Variants in LRRFIP1 observed in about 807,000 individuals in gnomAD.
The protein encoded by LRRFIP1 is leucine-rich repeat flightless-interacting protein 1.
Under a neutral mutation model 104.4 loss-of-function variants are expected in LRRFIP1, and 62 were observed. That is an observed-to-expected ratio of 0.59 (90% CI 0.48 to 0.73). The LOEUF (loss-of-function observed/expected upper bound fraction) is 0.73. Ranked by LOEUF, LRRFIP1 falls within the 30% of genes least tolerant of loss-of-function variation. The probability of loss-of-function intolerance (pLI) is 0.00; values close to 1 mark genes in which losing one functional copy is unlikely to be tolerated. For synonymous variants in LRRFIP1, 300 were observed against 299.0 expected, an observed-to-expected ratio of 1.00 and a Z score of -0.03; for missense variants, 796 against 824.5, an observed-to-expected ratio of 0.97 and a Z score of 0.42.
chr2:237,653,777 G>A (rs1177951946), intron 1 of LRRFIP1, among the ~76,000 whole-genome samples: 1 of 152,172 alleles, frequency 6.6e-6, no homozygotes, highest in Non-Finnish European at 1.5e-5. Flanking sequence ...TCCTCAATAA[G>A]TGATGTTGGG....
rs2092732204 is a variant in LRRFIP1, at chr2:237,691,235, C to T, written c.97-17309C>T. ...CCTTCCGATTACAATCCGCGTCATC[C>T]CGTCGCTTCTGCCCCCAGCCTGGCG... On this transcript the variant is annotated intron_variant, in intron 1 of 23. Coordinates refer to ENST00000308482, the MANE Select transcript of LRRFIP1 (RefSeq NM_001137550.2). The surrounding 1 kb of genome is among the most constrained non-coding windows in gnomAD (Gnocchi z 5.4). 6.6e-6 allele frequency among the ~76,000 whole-genome samples: 1 copy of T among 152,224 alleles called. No homozygotes were observed. The highest frequency in any genetic ancestry group is 2.4e-5 in the African/African-American group (1 of 41,456).
rs1003315674 is a variant in LRRFIP1, at chr2:237,627,592, G to A, written c.-53G>A. The A allele has an allele frequency of 1.1e-4, 114 of 1,083,408 alleles. No homozygotes were observed. The African/African-American group carries it at 1.7e-3, about 16-fold the overall frequency. The allele number at this position is 1,083,408 out of a possible 1,614,324, so 67.1% of individuals were successfully genotyped here. A position where few individuals can be genotyped will look rare whatever the true frequency, so the allele number is the denominator to read the frequency against. ...GCCGGGGCCGGGGCCGGGCCGGGGC[G>A]GCGCGAGCGGCTGGAGCAACGGGCC... On this transcript the variant is annotated 5_prime_UTR_variant, in exon 1 of 24. Coordinates refer to ENST00000308482, the MANE Select transcript of LRRFIP1 (RefSeq NM_001137550.2).
chr2:237,637,097 A>G (rs925672527), intron 1 of LRRFIP1, among the ~76,000 whole-genome samples: 1 of 152,232 alleles, frequency 6.6e-6, no homozygotes, highest in Non-Finnish European at 1.5e-5. Flanking sequence ...TTTTACTGAG[A>G]GCGAAATAAA....
At chr2:237,680,139 T>G (rs1340108120) in intron 1 of LRRFIP1, among the ~76,000 whole-genome samples, 3 of 152,092 alleles carry the variant, frequency 2.0e-5, no homozygotes, top group African/African-American at 7.2e-5. Flanking sequence ...GTCTGTGGGT[T>G]CCACATTCAT....
At chr2:237,778,751 TAATAA>T (rs1349296666) in intron 23 of LRRFIP1, among the ~76,000 whole-genome samples, 1 of 151,414 alleles carries the variant, frequency 6.6e-6, no homozygotes, top group Non-Finnish European at 1.5e-5. Context: ...ACCCCATCTC[TAATAA>T]AATACAAAAA....
rs1432102824 is a variant in LRRFIP1, at chr2:237,769,960, C to G, written c.1477C>G (p.Leu493Val). The part of the protein sequence containing the change: ...DGTLDIRLKK[L>V]VDERECLLEQ... ...TTCTTTAGATATTAGGTTGAAAAAG[C>G]TGGTTGATGAACGGGAATGCTTATT... The change falls in exon 20 of 24, where the codon CTG becomes GTG. Residue 493 changes from leucine (L) to valine (V), a missense_variant. Leu to Val is a conservative substitution (Grantham distance 32, BLOSUM62 1). Coordinates refer to ENST00000308482, the MANE Select transcript of LRRFIP1 (RefSeq NM_001137550.2). The G allele has an allele frequency of 1.2e-6, 2 of 1,604,892 alleles. No homozygotes were observed. The highest frequency in any genetic ancestry group is 2.7e-5 in the African/African-American group (2 of 74,858).
rs752354871 is a variant in LRRFIP1 at position 237,760,193 on chromosome 2, G to C, written c.1447G>C (p.Asp483His). 6.2e-6 allele frequency: 10 copies of C among 1,613,970 alleles called. No homozygotes were observed. The African/African-American group carries it at 1.2e-4, about 19-fold the overall frequency. ...GTTAAATGCCCTCAAGTCGACAGGGGATGGGACCCTAGGTAAGTATTTGCT... is the reference window on the plus strand; with the variant it reads ...GTTAAATGCCCTCAAGTCGACAGGGCATGGGACCCTAGGTAAGTATTTGCT... ...EELNALKSTG[D>H]GTLDIRLKKL... The change falls in exon 19 of 24, where the codon GAT (aspartate) becomes CAT (histidine). Residue 483 changes from aspartate to histidine, a missense_variant. Physicochemically the swap from Asp to His is moderately conservative, Grantham distance 81 (BLOSUM62 -1). Transcript: ENST00000308482.
At chr2:237,685,441 T>C (rs1432013376) in intron 1 of LRRFIP1, among the ~76,000 whole-genome samples, 1 of 152,162 alleles carries the variant, frequency 6.6e-6, no homozygotes, top group Non-Finnish European at 1.5e-5. Flanking sequence ...TGAGCTCAGG[T>C]ACAGTGCACC....
chr2:237,692,896 A>G (rs1416585507), intron 1 of LRRFIP1, among the ~76,000 whole-genome samples: 1 of 152,264 alleles, frequency 6.6e-6, no homozygotes, highest in African/African-American at 2.4e-5. Flanking sequence ...CCGGGTGGCC[A>G]GAGCCGGTGC....
At chr2:237,632,797 C>T (rs1048734962) in intron 1 of LRRFIP1, among the ~76,000 whole-genome samples, 4 of 146,884 alleles carry the variant, frequency 2.7e-5, no homozygotes, top group Non-Finnish European at 6.1e-5. Context: ...CAGGACTGAG[C>T]CCAGCTGCAA....
At chr2:237,725,516 A>G (rs902859226) in intron 7 of LRRFIP1, among the ~76,000 whole-genome samples, 1 of 148,192 alleles carries the variant, frequency 6.7e-6, no homozygotes, top group African/African-American at 2.6e-5. Context: ...ATACAACACA[A>G]AAAAACACCA....
intron 8 of LRRFIP1, among the ~76,000 whole-genome samples, chr2:237,728,913 T>C (rs1410421025): frequency 6.6e-6 from 1 of 152,136 alleles, no homozygotes; most frequent in Admixed American, 6.5e-5. Context: ...CTATTTAGCA[T>C]TGCATGCACT....
At chr2:237,670,655 A>C (rs906316448) in intron 1 of LRRFIP1, among the ~76,000 whole-genome samples, 13 of 152,194 alleles carry the variant, frequency 8.5e-5, no homozygotes, top group Admixed American at 6.5e-4. Flanking sequence ...ACTCGGTGGC[A>C]GTCTAAGGAA....
chr2:237,719,632 C>A, intron 5 of LRRFIP1, 65 bp downstream of exon 5: 1 of 1,142,638 alleles, frequency 8.8e-7, no homozygotes, highest in Non-Finnish European at 1.3e-6. Flanking sequence ...CTTGCAGTGG[C>A]TGAAGTATAT....
chr2:237,696,034 A>G (rs1031364439), intron 1 of LRRFIP1, among the ~76,000 whole-genome samples: 1 of 152,180 alleles, frequency 6.6e-6, no homozygotes, highest in African/African-American at 2.4e-5. Flanking sequence ...TCATTCATTC[A>G]TTTTGGAAAG....
chr2:237,665,589 C>T (rs1296819276), intron 1 of LRRFIP1, among the ~76,000 whole-genome samples: 4 of 152,114 alleles, frequency 2.6e-5, no homozygotes, highest in African/African-American at 9.7e-5. Flanking sequence ...AAAACAACTA[C>T]AAAAATAAAA....
chr2:237,645,253 G>A (rs1457124902), intron 1 of LRRFIP1, among the ~76,000 whole-genome samples: 1 of 152,234 alleles, frequency 6.6e-6, no homozygotes, highest in Non-Finnish European at 1.5e-5. Context: ...TTCTTTTAGT[G>A]TGAGTATCAA....
intron 1 of LRRFIP1, among the ~76,000 whole-genome samples, chr2:237,641,213 TAAAA>T (rs768910623): frequency 1.4e-3 from 177 of 125,534 alleles, no homozygotes; most frequent in Middle Eastern, 4.0e-3. Context: ...CCATCTCTAT[TAAAA>T]AAAAAAAAAA....
At chr2:237,673,710 G>C (rs1447241958) in intron 1 of LRRFIP1, among the ~76,000 whole-genome samples, 1 of 152,180 alleles carries the variant, frequency 6.6e-6, no homozygotes, top group Non-Finnish European at 1.5e-5. Context: ...CAGCAGTGGC[G>C]GGGAGGGTAC....
Sources: gnomAD v4.1 joint callset for allele counts (sites outside exome capture counted in the v4.1 genomes callset) on GRCh38, gnomAD v4.1.1 for gene constraint, Gnocchi (gnomAD v3.1) non-coding constraint, MANE v1.5 for transcripts, NCBI Gene and HGNC (gene_info 2026-07-23, HGNC 2026-07-21) for gene names.